NRXN3: variants seen among roughly 807,000 people sequenced by gnomAD.
NRXN3 encodes the protein neurexin III.
Under a neutral mutation model 137.6 loss-of-function variants are expected in NRXN3, and 32 were observed. The ratio of observed to expected loss-of-function variants is 0.23; its 90% CI spans 0.18 to 0.31. NRXN3 has a LOEUF of 0.31. NRXN3 is among the 10% of genes least tolerant of loss of function. The pLI is 1.00. For synonymous variants in NRXN3, 798 were observed against 784.5 expected (o/e 1.02, Z -0.29); for missense variants, 1,574 against 2,062.5 (o/e 0.76, Z 4.59).
At chr14:78,332,732 T>G (rs925202746) in intron 4 of NRXN3, among the ~76,000 whole-genome samples, 2 of 152,242 alleles carry the variant, frequency 1.3e-5, no homozygotes, top group African/African-American at 4.8e-5. Flanking sequence ...AAAGGCAACT[T>G]TGAACAATTT....
At chr14:79,471,402 T>A (rs2096505639) in intron 16 of NRXN3, among the ~76,000 whole-genome samples, 1 of 152,226 alleles carries the variant, frequency 6.6e-6, no homozygotes, top group South Asian at 2.1e-4. Context: ...GCACTACACA[T>A]TCATCACATC....
intron 4 of NRXN3, among the ~76,000 whole-genome samples, chr14:78,369,961 AT>A (rs1209230728): frequency 2.0e-5 from 3 of 149,272 alleles, no homozygotes; most frequent in African/African-American, 7.4e-5. Flanking sequence ...GATTAACCTT[AT>A]TTGTCTGCTC....
chr14:78,233,930 A>C (rs2065823845), intron 1 of NRXN3, among the ~76,000 whole-genome samples: 2 of 152,134 alleles, frequency 1.3e-5, no homozygotes, highest in African/African-American at 2.4e-5. Context: ...CCCAAATCTC[A>C]TCTTGAATTG....
intron 15 of NRXN3, among the ~76,000 whole-genome samples, chr14:79,244,260 C>CTGA (rs1256876087): frequency 6.6e-6 from 1 of 152,116 alleles, no homozygotes; most frequent in African/African-American, 2.4e-5. Flanking sequence ...TGGATGTGAC[C>CTGA]TGATCCTCCT....
chr14:78,715,977 T>C (rs544743699), intron 8 of NRXN3, among the ~76,000 whole-genome samples: 1 of 152,244 alleles, frequency 6.6e-6, no homozygotes, highest in Non-Finnish European at 1.5e-5. Flanking sequence ...GTTGAGGACC[T>C]GAACAAAGTC....
At chr14:78,229,014 T>A (rs560005347) in intron 1 of NRXN3, among the ~76,000 whole-genome samples, 16 of 152,312 alleles carry the variant, frequency 1.1e-4, no homozygotes, top group African/African-American at 3.8e-4. Flanking sequence ...GTTCAAGAAT[T>A]TTTTTGCACA....
chr14:78,770,633 T>A (rs2098724046), intron 8 of NRXN3, among the ~76,000 whole-genome samples: 1 of 152,180 alleles, frequency 6.6e-6, no homozygotes, highest in African/African-American at 2.4e-5. Flanking sequence ...AGATAATAAA[T>A]GTCCAAATCA....
intron 4 of NRXN3, among the ~76,000 whole-genome samples, chr14:78,368,012 A>AT (rs2086233665): frequency 6.6e-6 from 1 of 152,232 alleles, no homozygotes. Context: ...TCATATGCTA[A>AT]TTGAAAGCTG....
intron 4 of NRXN3, among the ~76,000 whole-genome samples, chr14:78,433,483 G>C (rs868039454): frequency 2.0e-5 from 3 of 152,030 alleles, no homozygotes; most frequent in Non-Finnish European, 2.9e-5. Flanking sequence ...TTATATGTTG[G>C]GTACTTAGTC....
At chr14:78,874,189 C>G (rs2099108187) in intron 10 of NRXN3, among the ~76,000 whole-genome samples, 1 of 152,082 alleles carries the variant, frequency 6.6e-6, no homozygotes, top group African/African-American at 2.4e-5. Flanking sequence ...CCAGGCTGGT[C>G]TTGAACTCTT....
At chr14:79,414,106 T>C (rs1413299282) in intron 15 of NRXN3, among the ~76,000 whole-genome samples, 1 of 152,072 alleles carries the variant, frequency 6.6e-6, no homozygotes, top group African/African-American at 2.4e-5. Flanking sequence ...CTCACCATTC[T>C]GCGGGGGAGT....
chr14:78,313,123 A>G (rs1166918634), intron 4 of NRXN3, among the ~76,000 whole-genome samples: 5 of 152,188 alleles, frequency 3.3e-5, no homozygotes, highest in South Asian at 2.1e-4. Context: ...ACTTTTGTCA[A>G]CTTTCCAGAT....
intron 15 of NRXN3, among the ~76,000 whole-genome samples, chr14:79,150,820 A>G (rs1198726283): frequency 6.6e-6 from 1 of 152,084 alleles, no homozygotes; most frequent in Non-Finnish European, 1.5e-5. Context: ...AAAAATCAAA[A>G]TGATTTGAAA....
Position 79,032,818 on chromosome 14 carries a change from T to C in NRXN3, c.3262+44677T>C, listed in dbSNP as rs549841262. Among the ~76,000 whole-genome samples, 8 of 152,298 alleles carry C rather than the reference T, an allele frequency of 5.3e-5. No individual in the cohort carries two copies. The South Asian group carries it at 1.5e-3, about 28-fold the overall frequency. On this transcript the variant is annotated intron_variant, in intron 15 of 20. Transcript: ENST00000335750. ...TGTGTTTAAATCCTAATTTCCTCTC[T>C]TATCTATCTCTTTGCCCTGGAGCAA... is the stretch of plus-strand genomic sequence containing the variant.
intron 15 of NRXN3, among the ~76,000 whole-genome samples, chr14:79,438,381 A>G (rs1433897121): frequency 6.6e-6 from 1 of 152,190 alleles, no homozygotes; most frequent in East Asian, 1.9e-4. Context: ...TAAATAGAGG[A>G]GGAAGGTGCC....
In NRXN3 at chr14:79,830,078, G is replaced by A. The variant is rs575706610; in HGVS notation, c.4093+24888G>A. ...TCCTTTACAATGGCCTGGCATGGAA[G>A]GTTGGAGAAGGCCATTGTTACCATA... On this transcript the variant is annotated intron_variant, in intron 20 of 20. Coordinates refer to ENST00000335750, the MANE Select transcript of NRXN3 (RefSeq NM_001330195.2). Among the ~76,000 whole-genome samples the A allele has an allele frequency of 1.5e-4, 23 of 152,310 alleles. No individual in the cohort carries two copies. In the East Asian group the frequency reaches 3.5e-3, roughly 23 times the overall value.
chr14:79,485,599 C>T (rs1374895312), intron 16 of NRXN3, among the ~76,000 whole-genome samples: 3 of 152,164 alleles, frequency 2.0e-5, no homozygotes, highest in South Asian at 2.1e-4. Flanking sequence ...TGTGTGTGTG[C>T]GTGCCTATCT....
chr14:79,670,143 T>C (rs537201888), intron 17 of NRXN3, among the ~76,000 whole-genome samples: 2 of 152,080 alleles, frequency 1.3e-5, no homozygotes, highest in South Asian at 4.1e-4. Flanking sequence ...TATGAGGCTA[T>C]AGGTTAGAGG....
At chr14:78,568,985 T>TTTTTTTTA (rs1396938722) in intron 4 of NRXN3, among the ~76,000 whole-genome samples, 1 of 147,838 alleles carries the variant, frequency 6.8e-6, no homozygotes, top group Admixed American at 6.7e-5. Context: ...TTTTTTTTTT[T>TTTTTTTTA]GAGACAGGGT....
Sources: gnomAD v4.1 joint callset for allele counts (sites outside exome capture counted in the v4.1 genomes callset) on GRCh38, gnomAD v4.1.1 for gene constraint, MANE v1.5 for transcripts, NCBI Gene and HGNC (gene_info 2026-07-23, HGNC 2026-07-21) for gene names.